SIRT4: variants seen among roughly 807,000 people sequenced by gnomAD.
The protein encoded by SIRT4 is NAD-dependent protein lipoamidase sirtuin-4, mitochondrial.
Under a neutral mutation model 26.1 loss-of-function variants are expected in SIRT4, and 23 were observed. That is an observed-to-expected ratio of 0.88 (90% CI 0.63 to 1.25). The LOEUF is 1.25. SIRT4 is among the 50% of genes most tolerant of loss of function. The probability of loss-of-function intolerance (pLI) is 0.00; values close to 1 mark genes in which losing one functional copy is unlikely to be tolerated. For missense variants in SIRT4, 361 were observed against 405.4 expected, an observed-to-expected ratio of 0.89 and a Z score of 0.94; for synonymous variants, 155 against 158.4, an observed-to-expected ratio of 0.98 and a Z score of 0.16.
rs942721493 is a variant in SIRT4, at chr12:120,312,492, G to C, written c.534G>C (p.Arg178=). ...LCLDCGEQTP[R]GVLQERFQVL... ...TGGATTGTGGGGAACAGACTCCCCGGGGGGTGCTGCAAGAGCGTTTCCAAG... is the reference window on the plus strand; with the variant it reads ...TGGATTGTGGGGAACAGACTCCCCGCGGGGTGCTGCAAGAGCGTTTCCAAG... The change falls in exon 3 of 4, where the codon CGG becomes CGC. Residue 178 remains arginine (R), a synonymous_variant. Transcript: ENST00000202967. 27 of 1,613,982 alleles carry C rather than the reference G, an allele frequency of 1.7e-5. No homozygotes were observed. The highest frequency in any genetic ancestry group is 2.3e-5 in the Non-Finnish European group (27 of 1,179,986).
At chr12:120,308,680 C>A (rs1247774649) in intron 2 of SIRT4, among the ~76,000 whole-genome samples, 1 of 152,106 alleles carries the variant, frequency 6.6e-6, no homozygotes, top group Non-Finnish European at 1.5e-5. Context: ...GAAAATCAGG[C>A]AGTGCAGTTG....
intron 1 of SIRT4, 66 bp from the exon 2 acceptor site, chr12:120,303,495 A>G: frequency 6.6e-7 from 1 of 1,512,668 alleles, no homozygotes; most frequent in East Asian, 2.3e-5. Context: ...ACGAAAACAA[A>G]CAAACAAAAA....
rs1031970265 is a variant in SIRT4, at chr12:120,308,350, T to C, written c.498-4106T>C. 2.0e-5 allele frequency among the ~76,000 whole-genome samples: 3 copies of C among 151,664 alleles called. No individual in the cohort carries two copies. The South Asian group carries it at 6.2e-4, about 32-fold the overall frequency. On this transcript the variant is annotated intron_variant, in intron 2 of 3. Coordinates refer to ENST00000202967, the MANE Select transcript of SIRT4 (RefSeq NM_012240.3). ...ACCCCCAGCTAATTTTTTGTATTTG[T>C]AGTAGAGGTAGGGTTTCATCATGTT...
upstream of SIRT4, among the ~76,000 whole-genome samples, chr12:120,301,726 C>G (rs546566766): frequency 3.3e-5 from 5 of 151,908 alleles, no homozygotes; most frequent in South Asian, 1.0e-3. Context: ...ATCAAAACAT[C>G]TCATGTGGGT....
the SIRT4 span, chr12:120,293,086 AG>A: frequency 0.67 from 101,707 of 151,944 alleles, 34,592 homozygotes; most frequent in East Asian, 0.9. Context: ...TTCAACTGCA[AG>A]AAAATTCAGT....
chr12:120,300,193 G>A (rs1261269544), upstream of SIRT4, among the ~76,000 whole-genome samples: 1 of 151,934 alleles, frequency 6.6e-6, no homozygotes, highest in Non-Finnish European at 1.5e-5. Flanking sequence ...TCGAGAGGAT[G>A]AGGTTGGAGG....
chr12:120,300,185 G>A (rs184550016), upstream of SIRT4, among the ~76,000 whole-genome samples: 1 of 151,980 alleles, frequency 6.6e-6, no homozygotes, highest in Admixed American at 6.6e-5. Context: ...TCAGCTACTC[G>A]AGAGGATGAG....
chr12:120,312,670 G>C lies in SIRT4; in HGVS notation c.712G>C (p.Val238Leu), dbSNP rs1178851650. The change falls in exon 3 of 4, where the codon GTG (valine) becomes CTG (leucine). Residue 238 changes from valine (V) to leucine (L), a missense_variant. Transcript: ENST00000202967. ...KPDVVFFGDT[V>L]NPDKVDFVHK... is the part of the protein sequence containing the mutation. ...AGATGTCGTTTTCTTCGGGGACACA[G>C]TGAACCCTGACAAGGTTGATTTTGT... 10 of 1,614,026 alleles carry C rather than the reference G, an allele frequency of 6.2e-6. No individual in the cohort carries two copies. The Middle Eastern group carries it at 4.9e-4, about 80-fold the overall frequency.
At position 120,312,962 on chromosome 12, in the gene SIRT4, C is replaced by A. The variant is rs188910959; in HGVS notation, c.871C>A (p.Arg291=). The A allele has an allele frequency of 4.3e-6, 7 of 1,614,026 alleles. No individual in the cohort carries two copies. In the African/African-American group the frequency reaches 5.3e-5, roughly 12 times the overall value. ...PIAILNIGPT[R]SDDLACLKLN... is the part of the protein sequence containing the mutation. ...TGCAATACTGAACATTGGGCCCACACGGTCGGATGACTTGGCGTGTCTGAA... is the reference window on the plus strand; with the variant it reads ...TGCAATACTGAACATTGGGCCCACAAGGTCGGATGACTTGGCGTGTCTGAA... Residue 291 remains arginine, a synonymous_variant, in exon 4 of 4, where the codon CGG becomes AGG. Transcript: ENST00000202967.
intron 2 of SIRT4, among the ~76,000 whole-genome samples, chr12:120,309,399 C>G (rs181818168): frequency 1.3e-4 from 20 of 151,304 alleles, no homozygotes; most frequent in Admixed American, 9.9e-4. Context: ...TTCACAGGGG[C>G]CTTTTTTTCT....
chr12:120,292,944 T>C, the SIRT4 span, among the ~76,000 whole-genome samples: 1 of 152,150 alleles, frequency 6.6e-6, no homozygotes, highest in East Asian at 1.9e-4. Context: ...CTAAAACAGG[T>C]AAACTTGCAG....
At chr12:120,292,201 A>C in the SIRT4 span, among the ~76,000 whole-genome samples, 1 of 152,190 alleles carries the variant, frequency 6.6e-6, no homozygotes, top group African/African-American at 2.4e-5. Context: ...GCAGTGGGAA[A>C]GCGAGCCTGG....
At chr12:120,292,647 GAA>G in the SIRT4 span, among the ~76,000 whole-genome samples, 1 of 151,680 alleles carries the variant, frequency 6.6e-6, no homozygotes, top group Non-Finnish European at 1.5e-5. Flanking sequence ...CAGCTGGCAA[GAA>G]AAGTCAACAC....
At chr12:120,306,011 CAA>C (rs1297577997) in intron 2 of SIRT4, among the ~76,000 whole-genome samples, 18 of 73,750 alleles carry the variant, frequency 2.4e-4, no homozygotes, top group South Asian at 4.0e-4. Context: ...GACTCCGTCT[CAA>C]AAAAAAAAAA....
chr12:120,310,408 G>A (rs1872914948), intron 2 of SIRT4, among the ~76,000 whole-genome samples: 1 of 152,070 alleles, frequency 6.6e-6, no homozygotes, highest in Non-Finnish European at 1.5e-5. Flanking sequence ...TGTAGAGAGA[G>A]CGTCTTGCTG....
chr12:120,312,095 C>A (rs1026652511), intron 2 of SIRT4, among the ~76,000 whole-genome samples: 2 of 151,914 alleles, frequency 1.3e-5, no homozygotes, highest in East Asian at 3.9e-4. Context: ...CCAGCCTGGG[C>A]GACACAGTGA....
the SIRT4 span, among the ~76,000 whole-genome samples, chr12:120,292,580 C>G: frequency 6.6e-6 from 1 of 152,096 alleles, no homozygotes; most frequent in Non-Finnish European, 1.5e-5. Flanking sequence ...CCAGCCTGAG[C>G]GACAGACTTC....
At chr12:120,301,339 C>T (rs886373903), upstream of SIRT4, among the ~76,000 whole-genome samples, 2 of 147,930 alleles carry the variant, frequency 1.4e-5, no homozygotes, top group Non-Finnish European at 3.0e-5. Context: ...AGCGAGACTC[C>T]GTCTCAAAAA....
At chr12:120,312,820 T>C in intron 3 of SIRT4, 64 bp from the exon 4 acceptor site, 2 of 1,608,360 alleles carry the variant, frequency 1.2e-6, no homozygotes, top group South Asian at 2.2e-5. Flanking sequence ...ACACCCTGTT[T>C]GGTTTAACTT....
Sources: gnomAD v4.1 joint callset for allele counts (sites outside exome capture counted in the v4.1 genomes callset) on GRCh38, gnomAD v4.1.1 for gene constraint, MANE v1.5 for transcripts, NCBI Gene and HGNC (gene_info 2026-07-23, HGNC 2026-07-21) for gene names.